Variants in DLGAP1 observed in about 807,000 individuals in gnomAD.
DLGAP1 encodes DLG associated protein 1.
A neutral mutation model predicts 90.8 loss-of-function variants in DLGAP1; 11 were observed. That is an observed-to-expected ratio of 0.12 (90% CI 0.08 to 0.20). The LOEUF (loss-of-function observed/expected upper bound fraction) is 0.20. Among genes scored for constraint, DLGAP1 ranks in the 10% least tolerant of loss-of-function variants. The probability of loss-of-function intolerance (pLI) is 1.00; values close to 1 mark genes in which losing one functional copy is unlikely to be tolerated. For synonymous variants in DLGAP1, 558 were observed against 540.7 expected (o/e 1.03, Z -0.44); for missense variants, 1,050 against 1,333.8 (o/e 0.79, Z 3.31).
At chr18:3,733,292 C>T (rs149191179) in intron 6 of DLGAP1, among the ~76,000 whole-genome samples, 28 of 152,236 alleles carry the variant, frequency 1.8e-4, no homozygotes, top group Non-Finnish European at 8.8e-5. Context: ...TAATGTTTGC[C>T]GCTACAGGTG....
chr18:4,116,532 A>AT (rs1309987929), intron 2 of DLGAP1, among the ~76,000 whole-genome samples: 2 of 151,566 alleles, frequency 1.3e-5, no homozygotes, highest in Middle Eastern at 3.4e-3. Context: ...GGCACTGTTT[A>AT]TTTTTCCTCA....
intron 7 of DLGAP1, among the ~76,000 whole-genome samples, chr18:3,592,915 GAAAGA>G (rs2056361791): frequency 6.0e-5 from 7 of 115,812 alleles, no homozygotes; most frequent in Admixed American, 8.3e-5. Context: ...AGAAAAAAAA[GAAAGA>G]AAAGAAAAGA....
intron 7 of DLGAP1, among the ~76,000 whole-genome samples, chr18:3,674,856 C>T (rs1261137056): frequency 9.1e-5 from 1 of 11,044 alleles, no homozygotes; most frequent in African/African-American, 5.7e-4. Context: ...TTCACCTCCA[C>T]TATCAGTACC....
chr18:4,024,547 G>A (rs2074667928), intron 2 of DLGAP1, among the ~76,000 whole-genome samples: 1 of 152,172 alleles, frequency 6.6e-6, no homozygotes, highest in African/African-American at 2.4e-5. Context: ...GGAGTGACAT[G>A]TCTGTTCGTG....
chr18:3,954,866 AATAAG>A (rs1394667779), intron 3 of DLGAP1, among the ~76,000 whole-genome samples: 5 of 152,206 alleles, frequency 3.3e-5, no homozygotes, highest in Non-Finnish European at 7.4e-5. Flanking sequence ...ATGGGAAACA[AATAAG>A]ATAAGCCCCC....
chr18:3,998,602 T>C (rs2043318193), intron 3 of DLGAP1, among the ~76,000 whole-genome samples: 1 of 152,184 alleles, frequency 6.6e-6, no homozygotes, highest in African/African-American at 2.4e-5. Flanking sequence ...AGAACAAAGC[T>C]AGAAAACATG....
intron 7 of DLGAP1, chr18:3,596,694 C>T (rs1160906071): frequency 2.5e-6 from 1 of 406,488 alleles, no homozygotes. Flanking sequence ...GTGATAAATG[C>T]TTGTTACATG....
chr18:3,948,906 A>G (rs956388611), intron 3 of DLGAP1, among the ~76,000 whole-genome samples: 10 of 152,192 alleles, frequency 6.6e-5, no homozygotes, highest in Admixed American at 5.2e-4. Context: ...CCTGTTCCCC[A>G]AAAACCTGTG....
chr18:4,303,520 G>A (rs1031247975), intron 1 of DLGAP1, among the ~76,000 whole-genome samples: 1 of 152,168 alleles, frequency 6.6e-6, no homozygotes, highest in African/African-American at 2.4e-5. Context: ...CCCAAGAACA[G>A]CAGTGCCATG....
intron 5 of DLGAP1, among the ~76,000 whole-genome samples, chr18:3,793,762 T>A (rs1375505489): frequency 6.6e-6 from 1 of 152,054 alleles, no homozygotes; most frequent in African/African-American, 2.4e-5. Context: ...TGACTCACTT[T>A]CCCCTTGCAC....
chr18:3,610,764 C>A (rs1675250), intron 7 of DLGAP1, among the ~76,000 whole-genome samples: 152,256 of 152,256 alleles, frequency 1, 76,128 homozygotes, highest in Non-Finnish European at 1. Context: ...ACTTGAACCC[C>A]GGAGATGGAG....
chr18:3,845,398 G>T, intron 4 of DLGAP1: 2 of 1,401,208 alleles, frequency 1.4e-6, no homozygotes, highest in South Asian at 1.8e-5. Context: ...GGGGGTGGGG[G>T]GAGAGTGGTT....
intron 2 of DLGAP1, among the ~76,000 whole-genome samples, chr18:4,096,553 T>C (rs2075683207): frequency 6.6e-6 from 1 of 152,102 alleles, no homozygotes. Context: ...AATCTTTTCA[T>C]AGGTTTCATT....
intron 2 of DLGAP1, among the ~76,000 whole-genome samples, chr18:4,022,353 T>C (rs890597094): frequency 3.3e-5 from 5 of 149,296 alleles, no homozygotes; most frequent in Admixed American, 2.0e-4. Context: ...GCTTTTATTA[T>C]ATATATATGA....
At chr18:4,093,252 G>T (rs2075617327) in intron 2 of DLGAP1, among the ~76,000 whole-genome samples, 1 of 152,090 alleles carries the variant, frequency 6.6e-6, no homozygotes, top group Non-Finnish European at 1.5e-5. Flanking sequence ...ATATTTTAAG[G>T]AAGAAAACAG....
rs936010482 is a variant in DLGAP1, at chr18:3,985,874, C to T, written c.-73+19242G>A. On this transcript the variant is annotated intron_variant, in intron 3 of 12. Coordinates refer to ENST00000315677, the MANE Select transcript of DLGAP1 (RefSeq NM_004746.4). Reference sequence around the variant, plus strand: ...TGAATTTTCTCCCATGCCTCTCTCCCTCCCCCAAGAGCCAGAAAAGTGATG... The same window carrying T: ...TGAATTTTCTCCCATGCCTCTCTCCTTCCCCCAAGAGCCAGAAAAGTGATG... Among the ~76,000 whole-genome samples the T allele has an allele frequency of 2.6e-5, 4 of 152,240 alleles. No individual in the cohort carries two copies. The South Asian group carries it at 6.2e-4, about 24-fold the overall frequency.
At chr18:3,614,797 C>T (rs950549753) in intron 7 of DLGAP1, among the ~76,000 whole-genome samples, 32 of 143,596 alleles carry the variant, frequency 2.2e-4, no homozygotes, top group African/African-American at 5.5e-4. Flanking sequence ...TGCCGTAAGT[C>T]GAGATAGTGC....
intron 3 of DLGAP1, among the ~76,000 whole-genome samples, chr18:3,961,774 G>A (rs1336852529): frequency 6.6e-6 from 1 of 152,168 alleles, no homozygotes; most frequent in African/African-American, 2.4e-5. Context: ...CTGGAGCATG[G>A]CCCACAAGTG....
chr18:3,950,393 C>T (rs1238201874), intron 3 of DLGAP1, among the ~76,000 whole-genome samples: 1 of 152,240 alleles, frequency 6.6e-6, no homozygotes, highest in Non-Finnish European at 1.5e-5. Context: ...TCTGGAACAA[C>T]AGAGTGTGCC....
Sources: gnomAD v4.1 joint callset for allele counts (sites outside exome capture counted in the v4.1 genomes callset) on GRCh38, gnomAD v4.1.1 for gene constraint, MANE v1.5 for transcripts, NCBI Gene and HGNC (gene_info 2026-07-23, HGNC 2026-07-21) for gene names.